Variants in SPTAN1 observed in about 807,000 individuals in gnomAD.
SPTAN1 encodes the protein spectrin alpha, non-erythrocytic 1.
A neutral mutation model predicts 331.3 loss-of-function variants in SPTAN1; 61 were observed. That is an observed-to-expected ratio of 0.18 (90% CI 0.15 to 0.23). The LOEUF is 0.23. SPTAN1 is among the 10% of genes least tolerant of loss of function. The pLI is 1.00. For synonymous variants in SPTAN1, 1,153 were observed against 1,173.9 expected (o/e 0.98, Z 0.36); for missense variants, 2,043 against 3,147.9 (o/e 0.65, Z 8.40).
At chr9:128,626,190 A>G (rs1369687199) in intron 48 of SPTAN1, 6 of 898,784 alleles carry the variant, frequency 6.7e-6, no homozygotes, top group Non-Finnish European at 1.0e-5. Context: ...CAGACTAGAG[A>G]CAAGGGCAAA....
Position 128,588,910 on chromosome 9 carries a change from A to G in SPTAN1, c.2973A>G (p.Gly991=). The G allele has an allele frequency of 6.2e-7, 1 of 1,614,102 alleles. No individual in the cohort carries two copies. Among genetic ancestry groups the G allele is most frequent in the East Asian group, 2.2e-5 (1 of 44,876 alleles). Residue 991 remains glycine, a synonymous_variant, in exon 21 of 57, where the codon GGA becomes GGG. Transcript: ENST00000372739. The part of the protein sequence containing the change: ...KSPREVTMKK[G]DILTLLNSTN... ...CCCGAGAGGTCACCATGAAGAAGGG[A>G]GATATCCTTACCTTACTCAACAGCA...
Position 128,612,144 on chromosome 9 carries a change from C to A in SPTAN1, c.4941C>A (p.Phe1647Leu), listed in dbSNP as rs748646482. ...RLAALADQWQ[F>L]LVQKSAEKSQ... Reference sequence around the variant, plus strand: ...CTGCCTTAGCTGACCAGTGGCAGTTCTTGGTGCAAAAGTCAGCGGAAAAGA... The same window carrying A: ...CTGCCTTAGCTGACCAGTGGCAGTTATTGGTGCAAAAGTCAGCGGAAAAGA... Residue 1647 changes from phenylalanine to leucine, a missense_variant, in exon 39 of 57, where the codon TTC becomes TTA. Phe to Leu is a conservative substitution (Grantham distance 22, BLOSUM62 0). Transcript: ENST00000372739. The A allele has an allele frequency of 1.2e-6, 2 of 1,614,034 alleles. No homozygotes were observed. The highest frequency in any genetic ancestry group is 1.7e-6 in the Non-Finnish European group (2 of 1,180,050).
chr9:128,618,202 C>T (rs1251615002), intron 43 of SPTAN1, 94 bp downstream of exon 43: 1 of 1,562,920 alleles, frequency 6.4e-7, no homozygotes, highest in Non-Finnish European at 8.7e-7. Context: ...GGCCCTCCTA[C>T]TGTCTCCTGG....
intron 41 of SPTAN1, among the ~76,000 whole-genome samples, chr9:128,616,136 G>A (rs55869405): frequency 6.6e-6 from 1 of 152,096 alleles, no homozygotes; most frequent in Non-Finnish European, 1.5e-5. Context: ...CTTCTCCAAG[G>A]AAGGAGTTGC....
At chr9:128,600,311 T>C (rs1405540445) in intron 27 of SPTAN1, among the ~76,000 whole-genome samples, 196 bp downstream of exon 27, 2 of 152,208 alleles carry the variant, frequency 1.3e-5, no homozygotes, top group Non-Finnish European at 2.9e-5. Flanking sequence ...GTCTGTCAAA[T>C]GCTCAGTACA....
intron 37 of SPTAN1, 104 bp downstream of exon 37, chr9:128,609,769 T>C (rs1018843487): frequency 3.0e-5 from 21 of 711,728 alleles, no homozygotes; most frequent in African/African-American, 2.7e-4. Context: ...TTTGCTGGTG[T>C]CTCTTCATCC....
At chr9:128,626,765 C>T (rs1352170852) in intron 49 of SPTAN1, 78 bp downstream of exon 49, 2 of 1,327,858 alleles carry the variant, frequency 1.5e-6, no homozygotes, top group Non-Finnish European at 2.0e-6. Context: ...CCACACTTAA[C>T]TGAGTCACGA....
chr9:128,625,944 A>G lies in SPTAN1; in HGVS notation c.6245A>G (p.Lys2082Arg). The change falls in exon 48 of 57, where the codon AAG (lysine) becomes AGG (arginine). Residue 2082 changes from lysine (K) to arginine (R), a missense_variant. Lys to Arg is a conservative substitution (Grantham distance 26, BLOSUM62 2). Around this residue, in one of 12 missense-constraint regions of SPTAN1, gnomAD observed 256 missense variants for 376.4 expected, o/e 0.68. Transcript: ENST00000372739. This position sits in a 1 kb window ranked among gnomAD's most constrained non-coding sequence, Gnocchi z 4.1. The stretch of plus-strand genomic sequence containing the variant: ...CTGGCCAACTCAGCCGCCCGCAAGA[A>G]GAAGCTTCTGGAGGCTCAGAGTCAC... ...QLLANSAARK[K>R]KLLEAQSHFR... The G allele has an allele frequency of 6.2e-7, 1 of 1,614,184 alleles. No individual in the cohort carries two copies. Among genetic ancestry groups the G allele is most frequent in the Non-Finnish European group, 8.5e-7 (1 of 1,180,028 alleles).
At position 128,624,674 on chromosome 9, in the gene SPTAN1, C is replaced by T. The variant is rs559887729; in HGVS notation, c.5992+187C>T. On this transcript the variant is annotated intron_variant, in intron 46 of 56. Transcript: ENST00000372739. ...GTGTCCTGAGGCCAGAACTGCCACC[C>T]GGAACTGGGCTGGCACCAGGGTCAA... The T allele has an allele frequency of 1.7e-4, 116 of 691,646 alleles. 1 individual carries two copies. In the South Asian group the frequency reaches 1.8e-3, roughly 11 times the overall value. The allele number at this position is 691,646 out of a possible 1,614,324, so 42.8% of individuals were successfully genotyped here. A position where few individuals can be genotyped will look rare whatever the true frequency, so the allele number is the denominator to read the frequency against.
At position 128,629,887 on chromosome 9, in the gene SPTAN1, A is replaced by G. The variant is rs2132037671; in HGVS notation, c.6708-434A>G. The G allele has an allele frequency of 2.9e-6, 1 of 346,190 alleles. No individual in the cohort carries two copies. The highest frequency in any genetic ancestry group is 2.1e-5 in the African/African-American group (1 of 46,784). 21.4% of individuals were successfully genotyped at this position (346,190 alleles called of 1,614,324 possible). A position where few individuals can be genotyped will look rare whatever the true frequency, so the allele number is the denominator to read the frequency against. ...CTCAGGAACCTTGCCGGGACACTCC[A>G]GGGTTTCTGTGGGGAGGCTGTCAGG... On this transcript the variant is annotated intron_variant, in intron 51 of 56. Coordinates refer to ENST00000372739, the MANE Select transcript of SPTAN1 (RefSeq NM_001130438.3). This position sits in a 1 kb window ranked among gnomAD's most constrained non-coding sequence, Gnocchi z 4.9.
intron 5 of SPTAN1, among the ~76,000 whole-genome samples, chr9:128,575,664 G>C (rs1303822717): frequency 6.6e-6 from 1 of 152,154 alleles, no homozygotes; most frequent in Non-Finnish European, 1.5e-5. Context: ...AGGGTGTGGT[G>C]GTGAATGCTA....
At chr9:128,600,219 G>A in intron 27 of SPTAN1, 104 bp downstream of exon 27, 2 of 1,288,170 alleles carry the variant, frequency 1.6e-6, no homozygotes, top group South Asian at 2.4e-5. Flanking sequence ...TAAGTCTTTA[G>A]TCATTTCTGG....
chr9:128,571,906 G>C (rs1276749647), intron 3 of SPTAN1, among the ~76,000 whole-genome samples: 2 of 152,038 alleles, frequency 1.3e-5, no homozygotes, highest in East Asian at 3.8e-4. Flanking sequence ...ACCCATGCTG[G>C]AGTGCAGTGG....
intron 44 of SPTAN1, 103 bp downstream of exon 44, chr9:128,619,106 G>A (rs1857537128): frequency 6.5e-7 from 1 of 1,545,898 alleles, no homozygotes; most frequent in African/African-American, 1.4e-5. Context: ...CTTACTAGGA[G>A]AGCACACAGG....
chr9:128,613,229 G>A, intron 39 of SPTAN1, 152 bp from the exon 40 acceptor site: 1 of 709,574 alleles, frequency 1.4e-6, no homozygotes, highest in South Asian at 1.5e-5. Context: ...CAGGCTGATT[G>A]GGGTGGCTAG....
intron 51 of SPTAN1, 179 bp from the exon 52 acceptor site, chr9:128,630,142 T>C (rs1028770356): frequency 1.3e-6 from 1 of 779,320 alleles, no homozygotes; most frequent in Non-Finnish European, 2.3e-6. Flanking sequence ...GGAGAAATGC[T>C]CCCTGCCATC....
In SPTAN1 at chr9:128,626,564, C is replaced by T. The variant is rs376208532; in HGVS notation, c.6453C>T (p.Asp2151=). 7.4e-6 allele frequency: 12 copies of T among 1,613,946 alleles called. No individual in the cohort carries two copies. Among genetic ancestry groups the T allele is most frequent in the East Asian group, 2.2e-5 (1 of 44,888 alleles). The part of the protein sequence containing the change: ...FRSSLSSAQA[D]FNQLAELDRQ... ...CCTCCCTCAGCTCTGCCCAGGCTGACTTCAACCAGCTGGCCGAGCTGGACC... is the reference window on the plus strand; with the variant it reads ...CCTCCCTCAGCTCTGCCCAGGCTGATTTCAACCAGCTGGCCGAGCTGGACC... Residue 2151 remains aspartate, a synonymous_variant, in exon 49 of 57, where the codon GAC becomes GAT. Transcript: ENST00000372739.
At chr9:128,618,330 G>A (rs1589356113) in intron 43 of SPTAN1, among the ~76,000 whole-genome samples, 1 of 152,168 alleles carries the variant, frequency 6.6e-6, no homozygotes, top group Non-Finnish European at 1.5e-5. Flanking sequence ...AATCATACAT[G>A]TTTCTGTATG....
At chr9:128,559,774 G>A (rs1340498565) in intron 1 of SPTAN1, among the ~76,000 whole-genome samples, 1 of 148,342 alleles carries the variant, frequency 6.7e-6, no homozygotes, top group Non-Finnish European at 1.5e-5. Flanking sequence ...CTTTTTCGTC[G>A]CCCAGGCTAG....
Sources: allele counts gnomAD v4.1 joint callset (sites outside exome capture counted in the v4.1 genomes callset), GRCh38; gene constraint gnomAD v4.1.1; regional missense constraint gnomAD v4.1.1; non-coding constraint Gnocchi (gnomAD v3.1); transcripts MANE v1.5; gene names NCBI Gene and HGNC (gene_info 2026-07-23, HGNC 2026-07-21).